EPAS1: variants seen among roughly 807,000 people sequenced by gnomAD.
The protein encoded by EPAS1 is endothelial PAS domain-containing protein 1.
EPAS1 carries 23 observed loss-of-function variants against 87.9 expected under a neutral mutation model. The ratio of observed to expected loss-of-function variants is 0.26; its 90% CI spans 0.19 to 0.37. The LOEUF is 0.37. Among genes scored for constraint, EPAS1 ranks in the 10% least tolerant of loss-of-function variants. The pLI, the probability that EPAS1 is intolerant of heterozygous loss-of-function variation, is 1.00. For missense variants in EPAS1, 1,138 were observed against 1,120.7 expected (o/e 1.02, Z -0.22); for synonymous variants, 508 against 444.3 (o/e 1.14, Z -1.80).
chr2:46,356,745 A>G lies in EPAS1; in HGVS notation c.391A>G (p.Ile131Val), dbSNP rs200773236. The G allele has an allele frequency of 1.1e-5, 18 of 1,613,904 alleles. No homozygotes were observed. Among genetic ancestry groups the G allele is most frequent in the Non-Finnish European group, 6.8e-6 (8 of 1,179,768 alleles). The change falls in exon 4 of 16, where the codon ATC (isoleucine) becomes GTC (valine). Residue 131 changes from isoleucine to valine, a missense_variant. Coordinates refer to ENST00000263734, the MANE Select transcript of EPAS1 (RefSeq NM_001430.5). ...ACAGGTGGAGCTAACAGGACATAGT[A>G]TCTTTGACTTCACTCATCCCTGCGA... is the stretch of plus-strand genomic sequence containing the variant. ...LTQVELTGHS[I>V]FDFTHPCDHE... is the part of the protein sequence containing the mutation.
intron 1 of EPAS1, among the ~76,000 whole-genome samples, chr2:46,314,834 C>G (rs1683280704): frequency 6.6e-6 from 1 of 152,192 alleles, no homozygotes; most frequent in Non-Finnish European, 1.5e-5. Flanking sequence ...CAACCCACTT[C>G]CATGACAGCA....
intron 2 of EPAS1, 49 bp from the exon 3 acceptor site, chr2:46,356,102 G>A: frequency 6.5e-7 from 1 of 1,537,344 alleles, no homozygotes; most frequent in South Asian, 1.1e-5. Flanking sequence ...AGTCCCATCT[G>A]TTTTCACTCC....
At chr2:46,324,250 G>T (rs1357445869) in intron 1 of EPAS1, among the ~76,000 whole-genome samples, 2 of 152,072 alleles carry the variant, frequency 1.3e-5, no homozygotes, top group Non-Finnish European at 1.5e-5. Flanking sequence ...TGTATTTTTA[G>T]TAGAAACAGA....
intron 1 of EPAS1, among the ~76,000 whole-genome samples, chr2:46,308,615 G>T (rs1270092952): frequency 6.6e-6 from 1 of 152,070 alleles, no homozygotes; most frequent in Non-Finnish European, 1.5e-5. Context: ...CCTTTAAAAA[G>T]AAAGAAAAAG....
intron 1 of EPAS1, among the ~76,000 whole-genome samples, chr2:46,306,250 T>G (rs1683107182): frequency 1.3e-5 from 2 of 152,210 alleles, no homozygotes; most frequent in Admixed American, 6.5e-5. Flanking sequence ...GATAAAAACT[T>G]TGCATACTGT....
Position 46,341,745 on chromosome 2 carries a change from T to G in EPAS1, c.27-5128T>G, listed in dbSNP as rs79815601. Among the ~76,000 whole-genome samples, 1,464 of 152,308 alleles carry G rather than the reference T, an allele frequency of 9.6e-3. 18 individuals are homozygous for G. Among genetic ancestry groups the G allele is most frequent in the African/African-American group, 0.034 (1,410 of 41,554 alleles). ...ATGATCACAGGCCTGGAAATCTATG[T>G]TTTCATAAGTCCTCCAGGTGATTCT... On this transcript the variant is annotated intron_variant, in intron 1 of 15. Transcript: ENST00000263734.
intron 1 of EPAS1, among the ~76,000 whole-genome samples, chr2:46,303,946 C>A (rs573509267): frequency 8.5e-5 from 13 of 152,316 alleles, no homozygotes; most frequent in African/African-American, 3.1e-4. Context: ...CCCTGGCTGG[C>A]GTGTCCGTCC....
chr2:46,356,133 ACCCCCC>A lies in EPAS1; in HGVS notation c.218-13_218-8del. On this transcript the variant is annotated splice_polypyrimidine_tract_variant and intron_variant, in intron 2 of 15. Coordinates refer to ENST00000263734, the MANE Select transcript of EPAS1 (RefSeq NM_001430.5). ...ACTCCACATTCATGCAAGCTGTCCC[ACCCCCC>A]CCCCTTTCCAGTTTGCTCTGAAAAC... 12 of 1,218,600 alleles carry A rather than the reference ACCCCCC, an allele frequency of 9.8e-6. No homozygotes were observed. The highest frequency in any genetic ancestry group is 1.4e-5 in the Non-Finnish European group (12 of 867,964). 75.5% of individuals were successfully genotyped at this position (1,218,600 alleles called of 1,614,324 possible).
chr2:46,335,934 C>A (rs1284365276), intron 1 of EPAS1: 1 of 152,164 alleles, frequency 6.6e-6, no homozygotes, highest in Admixed American at 6.5e-5. Context: ...GCAGTTGGCT[C>A]ACTCGGCCTC....
Position 46,377,994 on chromosome 2 carries a change from G to C in EPAS1, c.1350G>C (p.Glu450Asp), listed in dbSNP as rs200476418. Residue 450 changes from glutamate (E) to aspartate (D), a missense_variant, in exon 10 of 16, where the codon GAG becomes GAC. Glu to Asp is a conservative substitution (Grantham distance 45). Around this residue, in one of 4 missense-constraint regions of EPAS1, gnomAD observed 284 missense variants for 258.4 expected, o/e 1.10. Coordinates refer to ENST00000263734, the MANE Select transcript of EPAS1 (RefSeq NM_001430.5). ...TELRSHSTQS[E>D]AGSLPAFTVP... ...TGAGGAGCCACAGCACCCAGAGCGA[G>C]GCTGGGAGCCTGCCTGCCTTCACCG... 2.2e-5 allele frequency: 35 copies of C among 1,586,600 alleles called. No individual in the cohort carries two copies. The highest frequency in any genetic ancestry group is 3.5e-5 in the Admixed American group (2 of 56,812).
At chr2:46,319,809 TG>T (rs1352952505) in intron 1 of EPAS1, among the ~76,000 whole-genome samples, 1 of 152,246 alleles carries the variant, frequency 6.6e-6, no homozygotes, top group African/African-American at 2.4e-5. Flanking sequence ...TGCTTGTGGT[TG>T]GGAATTGCTT....
At chr2:46,301,920 A>C (rs1481590766) in intron 1 of EPAS1, among the ~76,000 whole-genome samples, 2 of 152,160 alleles carry the variant, frequency 1.3e-5, no homozygotes, top group African/African-American at 4.8e-5. Flanking sequence ...TTAGAAAAAA[A>C]TCTACTTATA....
At position 46,382,590 on chromosome 2, in the gene EPAS1, A is replaced by C; in HGVS notation, c.2453A>C (p.Lys818Thr). The change falls in exon 15 of 16, where the codon AAG (lysine) becomes ACG (threonine). Residue 818 changes from lysine to threonine, a missense_variant. By Grantham distance (78) the Lys-to-Thr change is moderately conservative. Transcript: ENST00000263734. ...YQDYSLSSAH[K>T]VSGMASRLLG... ...GACTACAGCCTGTCGTCAGCCCACA[A>C]GGTGTCAGGTGGGTGTGCCCAGGAT... 6.2e-7 allele frequency: 1 copy of C among 1,614,090 alleles called. No individual in the cohort carries two copies. The highest frequency in any genetic ancestry group is 8.5e-7 in the Non-Finnish European group (1 of 1,180,046).
At chr2:46,383,025 G>C (rs975088243) in intron 15 of EPAS1, among the ~76,000 whole-genome samples, 2 of 152,148 alleles carry the variant, frequency 1.3e-5, no homozygotes, top group African/African-American at 4.8e-5. Context: ...CAGAGAGAGA[G>C]AGTTGGGAAG....
intron 2 of EPAS1, among the ~76,000 whole-genome samples, chr2:46,354,009 C>T (rs1416895053): frequency 6.6e-6 from 1 of 152,232 alleles, no homozygotes; most frequent in African/African-American, 2.4e-5. Flanking sequence ...GTTCTCTGAT[C>T]CTGTGTCCTG....
At chr2:46,362,654 C>A (rs1486043022) in intron 6 of EPAS1, among the ~76,000 whole-genome samples, 1 of 152,192 alleles carries the variant, frequency 6.6e-6, no homozygotes, top group Non-Finnish European at 1.5e-5. Flanking sequence ...ATGGGAGGGA[C>A]CCTCCTCTCC....
At chr2:46,315,078 G>T (rs1339103278) in intron 1 of EPAS1, among the ~76,000 whole-genome samples, 2 of 152,182 alleles carry the variant, frequency 1.3e-5, no homozygotes, top group Non-Finnish European at 2.9e-5. Flanking sequence ...TATGATCTCT[G>T]CCCTGCCAGT....
chr2:46,326,479 A>T (rs919225239), intron 1 of EPAS1, among the ~76,000 whole-genome samples: 1 of 152,184 alleles, frequency 6.6e-6, no homozygotes, highest in Non-Finnish European at 1.5e-5. Flanking sequence ...ATTGGGCAAC[A>T]TTTGGTCAGG....
At chr2:46,320,534 T>C (rs186838367) in intron 1 of EPAS1, among the ~76,000 whole-genome samples, 143 of 152,344 alleles carry the variant, frequency 9.4e-4, no homozygotes, top group Non-Finnish European at 7.1e-4. Context: ...AATGGAAAGA[T>C]CGAAGCAAAC....
Sources: allele counts gnomAD v4.1 joint callset (sites outside exome capture counted in the v4.1 genomes callset), GRCh38; gene constraint gnomAD v4.1.1; regional missense constraint gnomAD v4.1.1; transcripts MANE v1.5; gene names NCBI Gene and HGNC (gene_info 2026-07-23, HGNC 2026-07-21).